Variants in CDH13 observed in about 807,000 individuals in gnomAD.
CDH13 encodes the protein cadherin-13.
Under a neutral mutation model 63.8 loss-of-function variants are expected in CDH13, and 24 were observed. That is an observed-to-expected ratio of 0.38 (90% confidence interval 0.27 to 0.53). The LOEUF (loss-of-function observed/expected upper bound fraction) is 0.53. CDH13 is among the 20% of genes least tolerant of loss of function. The pLI is 0.85. For missense variants in CDH13, 1,049 were observed against 903.1 expected (o/e 1.16, Z -2.07); for synonymous variants, 503 against 355.3 (o/e 1.42, Z -4.67).
chr16:83,749,067 G>A (rs145718573), intron 11 of CDH13, among the ~76,000 whole-genome samples: 1 of 152,324 alleles, frequency 6.6e-6, no homozygotes, highest in Non-Finnish European at 1.5e-5. Flanking sequence ...GGGGATTCCA[G>A]TTGGTTTGGG....
intron 1 of CDH13, among the ~76,000 whole-genome samples, chr16:82,752,658 G>C (rs1157192373): frequency 2.0e-5 from 3 of 152,238 alleles, no homozygotes; most frequent in African/African-American, 7.2e-5. Flanking sequence ...CTGGGAGGAT[G>C]CAGGAGCAGG....
intron 1 of CDH13, among the ~76,000 whole-genome samples, chr16:82,818,968 A>C (rs1365711649): frequency 1.3e-5 from 2 of 152,210 alleles, no homozygotes; most frequent in African/African-American, 4.8e-5. Context: ...ATCAGTAATC[A>C]TAAACTGTGG....
chr16:82,885,474 T>TCCAC (rs1383351907), intron 2 of CDH13, among the ~76,000 whole-genome samples: 2 of 96,696 alleles, frequency 2.1e-5, no homozygotes, highest in Non-Finnish European at 3.8e-5. Context: ...TACCCATCCA[T>TCCAC]CCATCCACCC....
chr16:83,434,774 C>T (rs953285390), intron 6 of CDH13, among the ~76,000 whole-genome samples: 23 of 151,036 alleles, frequency 1.5e-4, no homozygotes, highest in Admixed American at 5.3e-4. Flanking sequence ...CAAGGATATG[C>T]CCCAATTTCT....
At chr16:82,695,664 T>G (rs2030197524) in intron 1 of CDH13, among the ~76,000 whole-genome samples, 1 of 152,186 alleles carries the variant, frequency 6.6e-6, no homozygotes, top group African/African-American at 2.4e-5. Flanking sequence ...CTGACCTCAG[T>G]CAAAGCCCCT....
At chr16:82,770,486 G>A (rs1340957249) in intron 1 of CDH13, among the ~76,000 whole-genome samples, 1 of 152,020 alleles carries the variant, frequency 6.6e-6, no homozygotes, top group African/African-American at 2.4e-5. Flanking sequence ...TTTATAGTTT[G>A]ACTCATCAAA....
At chr16:82,838,911 T>C (rs142250290) in intron 1 of CDH13, among the ~76,000 whole-genome samples, 1 of 152,320 alleles carries the variant, frequency 6.6e-6, no homozygotes, top group Non-Finnish European at 1.5e-5. Context: ...GCAAACTTTC[T>C]CAAAGAGCCA....
intron 4 of CDH13, among the ~76,000 whole-genome samples, chr16:83,155,906 C>T (rs1254572346): frequency 2.6e-5 from 4 of 152,152 alleles, no homozygotes; most frequent in African/African-American, 9.7e-5. Flanking sequence ...CAAGACACAC[C>T]CCAGATGCAC....
intron 4 of CDH13, among the ~76,000 whole-genome samples, chr16:83,130,226 A>G (rs1235905129): frequency 6.6e-6 from 1 of 152,232 alleles, no homozygotes; most frequent in African/African-American, 2.4e-5. Context: ...TTCTTATGAT[A>G]ACAACCACAT....
At chr16:83,478,461 T>C (rs2073669973) in intron 6 of CDH13, among the ~76,000 whole-genome samples, 1 of 152,050 alleles carries the variant, frequency 6.6e-6, no homozygotes, top group Non-Finnish European at 1.5e-5. Flanking sequence ...CAAAGGTCAT[T>C]AGCATCTTCA....
chr16:83,749,347 G>T (rs1279310456), intron 11 of CDH13, among the ~76,000 whole-genome samples: 1 of 152,142 alleles, frequency 6.6e-6, no homozygotes, highest in Admixed American at 6.5e-5. Flanking sequence ...AGTAGAGAGT[G>T]CTTCAAAATA....
chr16:82,968,874 G>C (rs796416453), intron 2 of CDH13, among the ~76,000 whole-genome samples: 10 of 152,254 alleles, frequency 6.6e-5, no homozygotes, highest in African/African-American at 2.4e-4. Context: ...AATCCCAGCA[G>C]TTTGGGAGGC....
chr16:82,816,239 A>G (rs756566579), intron 1 of CDH13, among the ~76,000 whole-genome samples: 12 of 152,008 alleles, frequency 7.9e-5, no homozygotes, highest in South Asian at 4.2e-4. Context: ...TCTTCCCACT[A>G]TCTTATTATT....
chr16:83,557,936 G>C (rs565849238), intron 7 of CDH13, among the ~76,000 whole-genome samples: 1 of 152,058 alleles, frequency 6.6e-6, no homozygotes, highest in Non-Finnish European at 1.5e-5. Flanking sequence ...GGGGTGAAGG[G>C]TCTATAGATC....
chr16:83,320,188 C>A (rs2090190377), intron 5 of CDH13, among the ~76,000 whole-genome samples: 1 of 151,974 alleles, frequency 6.6e-6, no homozygotes. Flanking sequence ...TACAGGTATG[C>A]CCCACTATGC....
intron 4 of CDH13, among the ~76,000 whole-genome samples, chr16:83,156,293 A>T (rs757282752): frequency 6.6e-6 from 1 of 152,214 alleles, no homozygotes; most frequent in Non-Finnish European, 1.5e-5. Flanking sequence ...CTTTAAAAGC[A>T]TGCGTATTAA....
intron 6 of CDH13, among the ~76,000 whole-genome samples, chr16:83,439,047 G>T (rs574428955): frequency 9.2e-5 from 14 of 152,306 alleles, no homozygotes; most frequent in African/African-American, 3.4e-4. Flanking sequence ...TGCAAGATTT[G>T]AAGTCAGGAA....
intron 10 of CDH13, among the ~76,000 whole-genome samples, chr16:83,682,603 G>A (rs912214608): frequency 3.3e-5 from 5 of 152,104 alleles, no homozygotes; most frequent in Admixed American, 3.3e-4. Flanking sequence ...AGTTGCTGCT[G>A]TGTCCCGAGA....
At chr16:83,221,484 A>C (rs1366293008) in intron 5 of CDH13, among the ~76,000 whole-genome samples, 1 of 152,210 alleles carries the variant, frequency 6.6e-6, no homozygotes, top group Non-Finnish European at 1.5e-5. Flanking sequence ...TCACTGGAAT[A>C]AAGTACTGTA....
Sources: gnomAD v4.1 joint callset for allele counts (sites outside exome capture counted in the v4.1 genomes callset) on GRCh38, gnomAD v4.1.1 for gene constraint, MANE v1.5 for transcripts, NCBI Gene and HGNC (gene_info 2026-07-23, HGNC 2026-07-21) for gene names.